Variants in TAFA2 observed in about 807,000 individuals in gnomAD.
The protein encoded by TAFA2 is TAFA chemokine like family member 2.
Under a neutral mutation model 18.8 loss-of-function variants are expected in TAFA2, and 7 were observed. That is an observed-to-expected ratio of 0.37 (90% CI 0.21 to 0.70). TAFA2 has a LOEUF of 0.70. Ranked by LOEUF, TAFA2 falls within the 30% of genes least tolerant of loss-of-function variation. The probability of loss-of-function intolerance (pLI) is 0.53; values close to 1 mark genes in which losing one functional copy is unlikely to be tolerated. For synonymous variants in TAFA2, 60 were observed against 54.2 expected, an observed-to-expected ratio of 1.11 and a Z score of -0.47; for missense variants, 122 against 158.1, an observed-to-expected ratio of 0.77 and a Z score of 1.23.
chr12:61,877,208 T>G (rs1306885834), intron 1 of TAFA2, among the ~76,000 whole-genome samples: 1 of 152,154 alleles, frequency 6.6e-6, no homozygotes, highest in Non-Finnish European at 1.5e-5. Flanking sequence ...CTTTTTGCAA[T>G]AAGATTTCAG....
rs147184565 is a variant in TAFA2 at position 62,168,945 on chromosome 12, T to TACACACACACACAC, written c.-2+22300_-2+22313dup. On this transcript the variant is annotated intron_variant, in intron 1 of 4. Coordinates refer to ENST00000416284, the MANE Select transcript of TAFA2 (RefSeq NM_178539.5). ...CACTCTCTCATTCTCACTCACTCTC[T>TACACACACACACAC]ACACACACACACACACACACACACA... 7.8e-4 allele frequency among the ~76,000 whole-genome samples: 116 copies of TACACACACACACAC among 148,940 alleles called. 1 individual carries two copies. Among genetic ancestry groups the TACACACACACACAC allele is most frequent in the African/African-American group, 2.0e-3 (81 of 40,460 alleles).
chr12:62,188,351 C>T (rs947647199), intron 1 of TAFA2, among the ~76,000 whole-genome samples: 3 of 152,144 alleles, frequency 2.0e-5, no homozygotes, highest in African/African-American at 7.2e-5. Context: ...TAATAAAATA[C>T]TGCAGAAGTA....
chr12:61,835,094 G>GA (rs36123795), intron 2 of TAFA2, among the ~76,000 whole-genome samples: 44,763 of 151,486 alleles, frequency 0.3, 7,079 homozygotes, highest in South Asian at 0.4. Flanking sequence ...TGCCTGAGGG[G>GA]AAAAAAACAT....
chr12:62,056,551 C>T (rs989347695), intron 1 of TAFA2, among the ~76,000 whole-genome samples: 22 of 152,108 alleles, frequency 1.4e-4, no homozygotes. Flanking sequence ...CCATGGGCTC[C>T]CCCACCAACC....
intron 4 of TAFA2, among the ~76,000 whole-genome samples, chr12:61,753,335 C>G (rs190912280): frequency 2.0e-5 from 3 of 152,010 alleles, no homozygotes; most frequent in Non-Finnish European, 4.4e-5. Flanking sequence ...AACATGCATC[C>G]TCAGTGGGGA....
chr12:61,821,128 TACACACACACAC>T (rs3034059), intron 2 of TAFA2, among the ~76,000 whole-genome samples: 10 of 146,474 alleles, frequency 6.8e-5, no homozygotes, highest in African/African-American at 1.0e-4. Flanking sequence ...TTGATAGGGG[TACACACACACAC>T]ACACACACAC....
At chr12:62,127,754 G>A (rs1870523721) in intron 1 of TAFA2, among the ~76,000 whole-genome samples, 1 of 151,906 alleles carries the variant, frequency 6.6e-6, no homozygotes, top group African/African-American at 2.4e-5. Context: ...CCTAGAGCAA[G>A]TTTCTTCTTG....
chr12:61,986,142 G>A (rs1352159070), intron 1 of TAFA2, among the ~76,000 whole-genome samples: 1 of 137,558 alleles, frequency 7.3e-6, no homozygotes, highest in Non-Finnish European at 1.5e-5. Context: ...TCTAGACATA[G>A]ACAATCTAAG....
At chr12:62,186,935 G>C (rs187347389) in intron 1 of TAFA2, among the ~76,000 whole-genome samples, 7 of 152,208 alleles carry the variant, frequency 4.6e-5, no homozygotes. Flanking sequence ...TTACAGCACA[G>C]GATAAAATCC....
rs1158141122 is a variant in TAFA2, at chr12:62,147,258, GTA to G, written c.-2+43999_-2+44000del. Among the ~76,000 whole-genome samples, 6 of 142,464 alleles carry G rather than the reference GTA, an allele frequency of 4.2e-5. No individual in the cohort carries two copies. The East Asian group carries it at 6.1e-4, about 14-fold the overall frequency. The allele number at this position is 142,464 out of a possible 152,430, so 93.5% of individuals were successfully genotyped here. A position where few individuals can be genotyped will look rare whatever the true frequency, so the allele number is the denominator to read the frequency against. On this transcript the variant is annotated intron_variant, in intron 1 of 4. Transcript: ENST00000416284. ...TATATATATATGTATATATGTATGT[GTA>G]TATATATGTGTGTGTGTATATATAT...
chr12:62,078,336 C>T (rs1407207281), intron 1 of TAFA2, among the ~76,000 whole-genome samples: 1 of 151,868 alleles, frequency 6.6e-6, no homozygotes, highest in Admixed American at 6.6e-5. Flanking sequence ...AACTGACCAT[C>T]TCCCAAGGTT....
chr12:61,863,427 G>T (rs1212564011), intron 2 of TAFA2, among the ~76,000 whole-genome samples: 2 of 152,180 alleles, frequency 1.3e-5, no homozygotes, highest in East Asian at 3.9e-4. Flanking sequence ...CCAGGGCTCA[G>T]AACTCTTAGT....
intron 1 of TAFA2, among the ~76,000 whole-genome samples, chr12:61,959,882 G>C (rs571206149): frequency 2.0e-5 from 3 of 151,476 alleles, no homozygotes; most frequent in Admixed American, 6.6e-5. Flanking sequence ...TATTTTTTTA[G>C]AGAGGGGTGT....
At chr12:61,976,920 T>C (rs1032772741) in intron 1 of TAFA2, among the ~76,000 whole-genome samples, 3 of 152,084 alleles carry the variant, frequency 2.0e-5, no homozygotes, top group Admixed American at 2.0e-4. Flanking sequence ...ATCCAGTCTA[T>C]CATTGATGGA....
intron 4 of TAFA2, among the ~76,000 whole-genome samples, chr12:61,722,590 T>A (rs1187701590): frequency 6.6e-6 from 1 of 152,212 alleles, no homozygotes; most frequent in African/African-American, 2.4e-5. Context: ...GCGAGTCGCA[T>A]ATGGAGAAAT....
At chr12:61,862,051 A>G (rs1489318997) in intron 2 of TAFA2, among the ~76,000 whole-genome samples, 4 of 152,182 alleles carry the variant, frequency 2.6e-5, no homozygotes, top group Admixed American at 2.0e-4. Context: ...CCCAAACCCA[A>G]TGATGACTCA....
At chr12:62,171,070 T>C (rs2062474845) in intron 1 of TAFA2, among the ~76,000 whole-genome samples, 1 of 152,182 alleles carries the variant, frequency 6.6e-6, no homozygotes, top group Non-Finnish European at 1.5e-5. Flanking sequence ...TGACATTTAA[T>C]ATAATTGTGA....
intron 1 of TAFA2, among the ~76,000 whole-genome samples, chr12:61,877,842 A>G (rs1874923323): frequency 6.6e-6 from 1 of 152,038 alleles, no homozygotes; most frequent in African/African-American, 2.4e-5. Flanking sequence ...TATAAATTAG[A>G]CTTATTACCA....
chr12:61,755,017 A>T lies in TAFA2; in HGVS notation c.114T>A (p.His38Gln), dbSNP rs1352923710. The T allele has an allele frequency of 1.2e-6, 2 of 1,612,624 alleles. No individual in the cohort carries two copies. Among genetic ancestry groups the T allele is most frequent in the Admixed American group, 1.7e-5 (1 of 59,840 alleles). ...CCACCTCACAAGTTCCCGTTTTAAC[A>T]TGGTGAGCTGCACAAACAAAAAAGA... is the stretch of plus-strand genomic sequence containing the variant. ...VSSANHHKAH[H>Q]VKTGTCEVVA... The change falls in exon 3 of 5, where the codon CAT becomes CAA. Residue 38 changes from histidine (H) to glutamine (Q), a missense_variant. Transcript: ENST00000416284.
Sources: allele counts gnomAD v4.1 joint callset (sites outside exome capture counted in the v4.1 genomes callset), GRCh38; gene constraint gnomAD v4.1.1; transcripts MANE v1.5; gene names NCBI Gene and HGNC (gene_info 2026-07-23, HGNC 2026-07-21).